Variants in KAZN observed in about 807,000 individuals in gnomAD.
KAZN encodes kazrin, periplakin interacting protein.
A neutral mutation model predicts 87.4 loss-of-function variants in KAZN; 40 were observed. The observed-to-expected ratio is 0.46, with a 90% confidence interval of 0.36 to 0.60. KAZN has a LOEUF of 0.60. KAZN is among the 20% of genes least tolerant of loss of function. KAZN has a pLI of 0.00. For missense variants in KAZN, 898 were observed against 1,073.9 expected (o/e 0.84, Z 2.29); for synonymous variants, 466 against 458.3 (o/e 1.02, Z -0.22).
At chr1:14,472,670 T>A (rs1668517459) in intron 2 of KAZN, among the ~76,000 whole-genome samples, 1 of 151,802 alleles carries the variant, frequency 6.6e-6, no homozygotes, top group South Asian at 2.1e-4. Context: ...CTTCACAATT[T>A]GCTGGAAAAA....
Position 15,046,906 on chromosome 1 carries a change from A to G in KAZN, c.726+2747A>G, listed in dbSNP as rs553248815. Reference sequence around the variant, plus strand: ...GGTCTTTCTCATGCCTTGTGGACAGACAGATATGTCTTCCTTCCTTGGAGT... The same window carrying G: ...GGTCTTTCTCATGCCTTGTGGACAGGCAGATATGTCTTCCTTCCTTGGAGT... On this transcript the variant is annotated intron_variant, in intron 4 of 14. Coordinates refer to ENST00000376030, the MANE Select transcript of KAZN (RefSeq NM_201628.3). Among the ~76,000 whole-genome samples, 6 of 152,310 alleles carry G rather than the reference A, an allele frequency of 3.9e-5. No homozygotes were observed. In the South Asian group the frequency reaches 1.0e-3, roughly 26 times the overall value.
chr1:15,048,925 GT>G (rs58971988), intron 4 of KAZN, among the ~76,000 whole-genome samples: 10,302 of 151,990 alleles, frequency 0.068, 1,166 homozygotes, highest in African/African-American at 0.23. Flanking sequence ...CCGTTCAGTG[GT>G]TTTTAGCATG....
Position 14,722,169 on chromosome 1 carries a change from A to AT in KAZN, c.226+122946_226+122947insT, listed in dbSNP as rs796692135. 3.0e-3 allele frequency among the ~76,000 whole-genome samples: 449 copies of AT among 152,172 alleles called. 6 individuals carry two copies. Among genetic ancestry groups the AT allele is most frequent in the African/African-American group, 9.7e-3 (402 of 41,518 alleles). ...CTGTCTCAAAAAAAAAAAAGAATAA[A>AT]AAATAAAAAATGGTGAGGATTGATC... is the stretch of plus-strand genomic sequence containing the variant. On this transcript the variant is annotated intron_variant, in intron 1 of 14. Coordinates refer to ENST00000376030, the MANE Select transcript of KAZN (RefSeq NM_201628.3).
At chr1:14,145,858 C>G (rs1645337677) in intron 1 of KAZN, among the ~76,000 whole-genome samples, 2 of 152,204 alleles carry the variant, frequency 1.3e-5, no homozygotes, top group Admixed American at 1.3e-4. Context: ...TGGTGAGCCA[C>G]TGTGCCTGGC....
chr1:14,262,154 C>T (rs1237744569), intron 2 of KAZN, among the ~76,000 whole-genome samples: 2 of 152,138 alleles, frequency 1.3e-5, no homozygotes, highest in East Asian at 3.8e-4. Context: ...TGACTCACCC[C>T]TGTAATCCCA....
chr1:14,348,559 C>T (rs1311946869), intron 2 of KAZN, among the ~76,000 whole-genome samples: 1 of 152,186 alleles, frequency 6.6e-6, no homozygotes, highest in Non-Finnish European at 1.5e-5. Context: ...TAACCACCTC[C>T]CTGAATCTGA....
At chr1:14,061,533 G>T (rs886098254) in intron 1 of KAZN, among the ~76,000 whole-genome samples, 1 of 152,194 alleles carries the variant, frequency 6.6e-6, no homozygotes, top group Admixed American at 6.5e-5. Context: ...TGCTCAAAAA[G>T]AGGCAAGCAG....
At chr1:14,971,134 A>G (rs1032681393) in intron 2 of KAZN, among the ~76,000 whole-genome samples, 18 of 152,132 alleles carry the variant, frequency 1.2e-4, no homozygotes, top group African/African-American at 4.1e-4. Context: ...GCAATGGCTC[A>G]TGCTTTTGTA....
chr1:14,662,457 G>A (rs1639241377), intron 1 of KAZN, among the ~76,000 whole-genome samples: 1 of 152,158 alleles, frequency 6.6e-6, no homozygotes, highest in African/African-American at 2.4e-5. Flanking sequence ...GACTAAACAG[G>A]AGGCCGATGT....
chr1:14,142,513 T>C (rs1013549607), intron 1 of KAZN, among the ~76,000 whole-genome samples: 3 of 152,236 alleles, frequency 2.0e-5, no homozygotes, highest in Admixed American at 6.5e-5. Flanking sequence ...CTTTACGTGC[T>C]ATGTGGGATG....
chr1:14,244,826 G>A (rs372689217), intron 2 of KAZN, among the ~76,000 whole-genome samples: 127 of 152,242 alleles, frequency 8.3e-4, no homozygotes, highest in African/African-American at 2.1e-3. Context: ...CAGAGAAAGC[G>A]TGTGCAGATT....
At chr1:14,282,276 G>A (rs1312816612) in intron 2 of KAZN, among the ~76,000 whole-genome samples, 3 of 152,144 alleles carry the variant, frequency 2.0e-5, no homozygotes, top group Non-Finnish European at 4.4e-5. Flanking sequence ...GCTTGGAACA[G>A]CTTACAATAA....
At chr1:14,604,302 C>G (rs150664834) in intron 1 of KAZN, among the ~76,000 whole-genome samples, 1 of 152,118 alleles carries the variant, frequency 6.6e-6, no homozygotes, top group Non-Finnish European at 1.5e-5. Flanking sequence ...CCGAAGCCAA[C>G]AGGGTGGCCA....
intron 1 of KAZN, among the ~76,000 whole-genome samples, chr1:14,901,281 C>T (rs1345766301): frequency 6.6e-6 from 1 of 152,126 alleles, no homozygotes; most frequent in African/African-American, 2.4e-5. Flanking sequence ...GACAAGTCCC[C>T]AAGGTGGGAA....
At chr1:15,052,032 A>C (rs1184703848) in intron 4 of KAZN, among the ~76,000 whole-genome samples, 2 of 152,222 alleles carry the variant, frequency 1.3e-5, no homozygotes, top group Admixed American at 1.3e-4. Flanking sequence ...AGAAGAGAAG[A>C]GTCAGAACCC....
chr1:14,845,307 G>A (rs534108253), intron 1 of KAZN, among the ~76,000 whole-genome samples: 2 of 150,210 alleles, frequency 1.3e-5, no homozygotes, highest in East Asian at 2.0e-4. Flanking sequence ...ATAGATGGAT[G>A]ATTAGGTAGG....
intron 1 of KAZN, among the ~76,000 whole-genome samples, chr1:14,908,299 G>A (rs1465895900): frequency 6.6e-6 from 1 of 152,194 alleles, no homozygotes; most frequent in Non-Finnish European, 1.5e-5. Context: ...CCAGCACTTT[G>A]GGAGGCTGAG....
chr1:14,607,718 G>A lies in KAZN; in HGVS notation c.226+8495G>A, dbSNP rs144549328. Among the ~76,000 whole-genome samples, 790 of 152,218 alleles carry A rather than the reference G, an allele frequency of 5.2e-3. 12 individuals carry two copies. Among genetic ancestry groups the A allele is most frequent in the African/African-American group, 0.018 (746 of 41,532 alleles). On this transcript the variant is annotated intron_variant, in intron 1 of 14. Transcript: ENST00000376030. ...TGCTGGGCTGTGACCAAAGAGAATCGCAGAGGGGACTTGACTTTCCTACCT... is the reference window on the plus strand; with the variant it reads ...TGCTGGGCTGTGACCAAAGAGAATCACAGAGGGGACTTGACTTTCCTACCT...
chr1:14,959,546 G>A (rs1663585287), intron 1 of KAZN, among the ~76,000 whole-genome samples: 1 of 152,144 alleles, frequency 6.6e-6, no homozygotes, highest in South Asian at 2.1e-4. Context: ...GGTGGGGGCG[G>A]CCCGGTGACC....
Sources: allele counts gnomAD v4.1 joint callset (sites outside exome capture counted in the v4.1 genomes callset), GRCh38; gene constraint gnomAD v4.1.1; transcripts MANE v1.5; gene names NCBI Gene and HGNC (gene_info 2026-07-23, HGNC 2026-07-21).